The following MEI4 variants were observed in gnomAD, a reference collection of about 807,000 sequenced individuals.
MEI4 encodes the protein meiosis-specific protein MEI4.
MEI4 carries 27 observed loss-of-function variants against 31.4 expected under a neutral mutation model. The ratio of observed to expected loss-of-function variants is 0.86; its 90% CI spans 0.63 to 1.19. The LOEUF (loss-of-function observed/expected upper bound fraction) is 1.19. Among genes scored for constraint, MEI4 ranks in the 50% most tolerant of loss-of-function variants. MEI4 has a pLI of 0.00. For missense variants in MEI4, 329 were observed against 398.9 expected (o/e 0.82, Z 1.49); for synonymous variants, 122 against 145.4 (o/e 0.84, Z 1.16).
chr6:77,784,358 T>G (rs1007811358), intron 3 of MEI4, among the ~76,000 whole-genome samples: 18 of 152,300 alleles, frequency 1.2e-4, no homozygotes, highest in African/African-American at 4.3e-4. Flanking sequence ...TAATTTAAGC[T>G]GTTACTGAGG....
chr6:77,916,913 T>TA (rs1766568959), intron 4 of MEI4, among the ~76,000 whole-genome samples: 2 of 133,172 alleles, frequency 1.5e-5, no homozygotes, highest in Non-Finnish European at 3.2e-5. Flanking sequence ...ATGCTATCCC[T>TA]CCCCCCCTAC....
Position 77,883,745 on chromosome 6 carries a change from A to ATATATATATATCTATCTAT in MEI4, c.901-39344_901-39343insTATATATATATCTATCTAT, listed in dbSNP as rs55947073. Among the ~76,000 whole-genome samples, 148 of 82,290 alleles carry ATATATATATATCTATCTAT rather than the reference A, an allele frequency of 1.8e-3. 1 individual carries two copies. The highest frequency in any genetic ancestry group is 6.5e-3 in the African/African-American group (130 of 20,136). The allele number at this position is 82,290 out of a possible 152,430, so 54.0% of individuals were successfully genotyped here. ...ATATATATATATATATATATATATA[A>ATATATATATATCTATCTAT]CTTTGTCTTTGTCTATTCATTTATT... On this transcript the variant is annotated intron_variant, in intron 4 of 4. Transcript: ENST00000684080.
At chr6:77,749,608 A>T (rs1767711338) in intron 2 of MEI4, among the ~76,000 whole-genome samples, 1 of 151,330 alleles carries the variant, frequency 6.6e-6, no homozygotes, top group Admixed American at 6.6e-5. Context: ...TCCAAGAAAT[A>T]TGGGACTGTG....
chr6:77,838,842 G>A (rs1770286515), intron 4 of MEI4, among the ~76,000 whole-genome samples: 1 of 151,864 alleles, frequency 6.6e-6, no homozygotes. Context: ...GGCAGAGGTT[G>A]CTGTGAACTG....
rs79304033 is a variant in MEI4, at chr6:77,811,276, C to T, written c.769-17655C>T. The stretch of plus-strand genomic sequence containing the variant: ...TGGGAAAGTAGTTCACCTCTCTGAA[C>T]GCCAATAATTTTGTAAAAGGTGAAT... On this transcript the variant is annotated intron_variant, in intron 3 of 4. Transcript: ENST00000684080. Among the ~76,000 whole-genome samples the T allele has an allele frequency of 1.2e-3, 180 of 152,114 alleles. 1 individual carries two copies. The East Asian group carries it at 0.021, about 18-fold the overall frequency.
In MEI4 at chr6:77,924,101, G is replaced by T. The variant is rs532380229; in HGVS notation, c.*755G>T. ...TAAATTCTAATATCCATCTAAAAGTGAAATTTATAGTTATTTGGTGGAATT... is the reference window on the plus strand; with the variant it reads ...TAAATTCTAATATCCATCTAAAAGTTAAATTTATAGTTATTTGGTGGAATT... On this transcript the variant is annotated 3_prime_UTR_variant, in exon 5 of 5. Transcript: ENST00000684080. 11 of 151,790 alleles carry T rather than the reference G, an allele frequency of 7.2e-5. No homozygotes were observed. Among genetic ancestry groups the T allele is most frequent in the Admixed American group, 2.6e-4 (4 of 15,186 alleles). The allele number at this position is 151,790 out of a possible 1,614,324, so 9.4% of individuals were successfully genotyped here.
At chr6:77,701,807 T>C (rs1355911524) in intron 2 of MEI4, among the ~76,000 whole-genome samples, 1 of 152,144 alleles carries the variant, frequency 6.6e-6, no homozygotes. Flanking sequence ...AGGGCACTTG[T>C]ATAGAGTGCT....
intron 2 of MEI4, among the ~76,000 whole-genome samples, chr6:77,712,164 G>C (rs1001782007): frequency 2.0e-5 from 3 of 151,700 alleles, no homozygotes; most frequent in Non-Finnish European, 4.4e-5. Context: ...ATGTTTAAGA[G>C]GGTACTTTGT....
intron 4 of MEI4, among the ~76,000 whole-genome samples, chr6:77,866,877 A>T (rs1369105114): frequency 6.6e-6 from 1 of 152,218 alleles, no homozygotes; most frequent in African/African-American, 2.4e-5. Context: ...AAACAGAGAT[A>T]TAGACCAATG....
chr6:77,880,112 T>G (rs2127728260), intron 4 of MEI4, among the ~76,000 whole-genome samples: 1 of 152,336 alleles, frequency 6.6e-6, no homozygotes. Context: ...ACCACATAAC[T>G]TAATGATTAT....
intron 4 of MEI4, among the ~76,000 whole-genome samples, chr6:77,874,594 T>G (rs2127726524): frequency 6.6e-6 from 1 of 152,270 alleles, no homozygotes. Flanking sequence ...GAATACCCTT[T>G]ATTTCCTTCT....
chr6:77,907,659 G>T (rs1316519981), intron 4 of MEI4, among the ~76,000 whole-genome samples: 1 of 152,086 alleles, frequency 6.6e-6, no homozygotes, highest in African/African-American at 2.4e-5. Context: ...ACCCAGTAAT[G>T]GGATGGCTGG....
intron 2 of MEI4, among the ~76,000 whole-genome samples, chr6:77,702,646 G>T (rs1436803595): frequency 6.6e-6 from 1 of 152,030 alleles, no homozygotes; most frequent in East Asian, 1.9e-4. Context: ...CCCCTTTCTA[G>T]TCTAAATTGC....
intron 4 of MEI4, among the ~76,000 whole-genome samples, chr6:77,836,630 A>G (rs1318939244): frequency 2.0e-5 from 3 of 152,152 alleles, no homozygotes; most frequent in Non-Finnish European, 4.4e-5. Flanking sequence ...CTAATTTTCT[A>G]TATCAAGGCA....
At chr6:77,650,539 G>C (rs1277991725), upstream of MEI4, among the ~76,000 whole-genome samples, 1 of 152,204 alleles carries the variant, frequency 6.6e-6, no homozygotes, top group African/African-American at 2.4e-5. Flanking sequence ...TCCCGTGCCC[G>C]CTTGAGGGCG....
intron 3 of MEI4, among the ~76,000 whole-genome samples, chr6:77,773,340 A>C (rs1225642699): frequency 1.3e-5 from 2 of 152,034 alleles, no homozygotes; most frequent in African/African-American, 4.8e-5. Context: ...ACAGACATAC[A>C]AATCAATGGA....
At chr6:77,815,847 C>G (rs1478139981) in intron 3 of MEI4, among the ~76,000 whole-genome samples, 1 of 150,546 alleles carries the variant, frequency 6.6e-6, no homozygotes, top group Admixed American at 6.6e-5. Context: ...GAAAAACTGA[C>G]AATTGTGAAA....
chr6:77,664,750 G>A (rs1197535758), intron 1 of MEI4, among the ~76,000 whole-genome samples: 3 of 152,112 alleles, frequency 2.0e-5, no homozygotes. Flanking sequence ...AGGGACTGAT[G>A]TGTTAAAGAA....
chr6:77,737,440 G>C (rs1352032851), intron 2 of MEI4, among the ~76,000 whole-genome samples: 2 of 151,940 alleles, frequency 1.3e-5, no homozygotes, highest in African/African-American at 4.9e-5. Context: ...AAAGGCTCGG[G>C]ATATAGCAAT....
Sources: allele counts gnomAD v4.1 joint callset (sites outside exome capture counted in the v4.1 genomes callset), GRCh38; gene constraint gnomAD v4.1.1; transcripts MANE v1.5; gene names NCBI Gene and HGNC (gene_info 2026-07-23, HGNC 2026-07-21).